The following ZFAT variants were observed in gnomAD, a reference collection of about 807,000 sequenced individuals.
ZFAT encodes zinc finger and AT-hook domain containing, also known as zinc finger protein ZFAT.
ZFAT carries 64 observed loss-of-function variants against 117.7 expected under a neutral mutation model. That is an observed-to-expected ratio of 0.54 (90% CI 0.44 to 0.67). The LOEUF is 0.67. Ranked by LOEUF, ZFAT falls within the 30% of genes least tolerant of loss-of-function variation. The pLI, the probability that ZFAT is intolerant of heterozygous loss-of-function variation, is 0.00. For synonymous variants in ZFAT, 679 were observed against 615.0 expected (o/e 1.10, Z -1.54); for missense variants, 1,433 against 1,584.5 (o/e 0.90, Z 1.62).
At chr8:134,689,987 C>G (rs2131325420) in intron 1 of ZFAT, among the ~76,000 whole-genome samples, 1 of 152,232 alleles carries the variant, frequency 6.6e-6, no homozygotes, top group South Asian at 2.1e-4. Context: ...CCAGTATATC[C>G]AAAATAGAAT....
At chr8:134,499,734 G>A (rs759754185) in intron 15 of ZFAT, among the ~76,000 whole-genome samples, 4 of 152,252 alleles carry the variant, frequency 2.6e-5, no homozygotes, top group Non-Finnish European at 4.4e-5. Context: ...TGACACTGCT[G>A]GCCGGGGGAC....
intron 11 of ZFAT, among the ~76,000 whole-genome samples, chr8:134,543,268 T>TA (rs145544802): frequency 0.012 from 1,818 of 149,808 alleles, 28 homozygotes; most frequent in African/African-American, 0.042. Context: ...CTCTCTGTGA[T>TA]AGTCAGCCGG....
chr8:134,738,364 T>A, the ZFAT span, among the ~76,000 whole-genome samples: 1 of 152,170 alleles, frequency 6.6e-6, no homozygotes, highest in East Asian at 1.9e-4. Flanking sequence ...TGAGCTTCCA[T>A]CTCATTATCT....
intron 15 of ZFAT, among the ~76,000 whole-genome samples, chr8:134,498,112 T>C: frequency 2.0e-5 from 1 of 48,940 alleles, no homozygotes; most frequent in Non-Finnish European, 4.2e-5. Flanking sequence ...CCCCCGTTGC[T>C]GGTTACACAC....
At chr8:134,832,152 G>T in the ZFAT span, among the ~76,000 whole-genome samples, 1 of 150,628 alleles carries the variant, frequency 6.6e-6, no homozygotes, top group Non-Finnish European at 1.5e-5. Context: ...GCGGGGGGCA[G>T]GGGGCGCGGC....
chr8:134,582,480 G>T (rs1186225030), intron 10 of ZFAT, among the ~76,000 whole-genome samples: 2 of 152,206 alleles, frequency 1.3e-5, no homozygotes, highest in Non-Finnish European at 1.5e-5. Context: ...GCAGCTGAGC[G>T]GTCAGTAAGG....
intron 11 of ZFAT, among the ~76,000 whole-genome samples, chr8:134,563,547 C>T (rs777377158): frequency 2.6e-5 from 4 of 152,180 alleles, no homozygotes; most frequent in Admixed American, 2.6e-4. Context: ...GGAAGGTCCT[C>T]GTCACCTCAG....
intron 7 of ZFAT, 140 bp from the exon 8 acceptor site, chr8:134,590,495 CA>C: frequency 1.6e-6 from 1 of 625,642 alleles, no homozygotes; most frequent in Non-Finnish European, 2.9e-6. Flanking sequence ...CCACCACCAC[CA>C]TCACATCACC....
At chr8:134,761,511 C>T in the ZFAT span, among the ~76,000 whole-genome samples, 1 of 151,062 alleles carries the variant, frequency 6.6e-6, no homozygotes, top group East Asian at 1.9e-4. Flanking sequence ...ATCATCCTGG[C>T]CAACATGGTG....
chr8:134,540,453 T>C (rs1822169360), intron 11 of ZFAT, among the ~76,000 whole-genome samples: 1 of 152,190 alleles, frequency 6.6e-6, no homozygotes, highest in Non-Finnish European at 1.5e-5. Flanking sequence ...TCCTCCCAAT[T>C]TCTCCCATGA....
the ZFAT span, among the ~76,000 whole-genome samples, chr8:134,757,431 G>A: frequency 1.3e-5 from 2 of 152,060 alleles, no homozygotes; most frequent in Non-Finnish European, 2.9e-5. Context: ...GTTGGTAAGA[G>A]AAGTGATCCT....
chr8:134,508,315 C>T (rs1444382883), intron 15 of ZFAT, among the ~76,000 whole-genome samples: 1 of 152,234 alleles, frequency 6.6e-6, no homozygotes, highest in Non-Finnish European at 1.5e-5. Flanking sequence ...ATGTCCCCTC[C>T]TGGCTCATGA....
intron 5 of ZFAT, 48 bp from the exon 6 acceptor site, chr8:134,602,981 C>G (rs1167332613): frequency 6.4e-7 from 1 of 1,555,678 alleles, no homozygotes; most frequent in Non-Finnish European, 8.7e-7. Context: ...TTGAATGTTC[C>G]TCATGAACTC....
At chr8:134,607,009 A>G (rs1434894051) in intron 5 of ZFAT, among the ~76,000 whole-genome samples, 1 of 152,200 alleles carries the variant, frequency 6.6e-6, no homozygotes, top group Non-Finnish European at 1.5e-5. Flanking sequence ...TAAAATCCTT[A>G]CGCAAAAACA....
chr8:134,614,195 G>T (rs1228188446), intron 3 of ZFAT, among the ~76,000 whole-genome samples: 1 of 152,126 alleles, frequency 6.6e-6, no homozygotes, highest in African/African-American at 2.4e-5. Flanking sequence ...TCCAAGAATT[G>T]CCATAAATCC....
At chr8:134,750,661 G>A in the ZFAT span, among the ~76,000 whole-genome samples, 1 of 152,154 alleles carries the variant, frequency 6.6e-6, no homozygotes, top group Non-Finnish European at 1.5e-5. Context: ...AACTACTCAG[G>A]AGGCTGAGGT....
At chr8:134,690,592 C>G (rs1833540905) in intron 1 of ZFAT, among the ~76,000 whole-genome samples, 1 of 152,122 alleles carries the variant, frequency 6.6e-6, no homozygotes, top group Admixed American at 6.5e-5. Flanking sequence ...GAACTTCCCC[C>G]TAGTATTTAC....
intron 1 of ZFAT, among the ~76,000 whole-genome samples, chr8:134,674,311 G>T (rs1253643975): frequency 6.6e-6 from 1 of 152,190 alleles, no homozygotes; most frequent in African/African-American, 2.4e-5. Flanking sequence ...GGCTCGGCAG[G>T]TCCCACCCCT....
intron 15 of ZFAT, among the ~76,000 whole-genome samples, chr8:134,492,544 C>A (rs549904424): frequency 1.3e-5 from 2 of 152,310 alleles, no homozygotes; most frequent in Non-Finnish European, 2.9e-5. Flanking sequence ...GGGGAAGAAG[C>A]CTTATTTTTT....
Sources: allele counts gnomAD v4.1 joint callset (sites outside exome capture counted in the v4.1 genomes callset), GRCh38; gene constraint gnomAD v4.1.1; transcripts MANE v1.5; gene names NCBI Gene and HGNC (gene_info 2026-07-23, HGNC 2026-07-21).